ADARB2: variants seen among roughly 807,000 people sequenced by gnomAD.
The protein encoded by ADARB2 is adenosine deaminase RNA specific B2 (inactive).
In ADARB2, 25 loss-of-function variants were observed where a neutral mutation model predicts 62.2. That is an observed-to-expected ratio of 0.40 (90% CI 0.29 to 0.56). The LOEUF (loss-of-function observed/expected upper bound fraction) is 0.56. Ranked by LOEUF, ADARB2 falls within the 20% of genes least tolerant of loss-of-function variation. The pLI, the probability that ADARB2 is intolerant of heterozygous loss-of-function variation, is 0.43. For missense variants in ADARB2, 1,071 were observed against 1,077.4 expected (o/e 0.99, Z 0.08); for synonymous variants, 572 against 500.8 (o/e 1.14, Z -1.90).
intron 1 of ADARB2, among the ~76,000 whole-genome samples, chr10:1,714,731 C>T (rs757733337): frequency 1.3e-5 from 2 of 152,218 alleles, no homozygotes; most frequent in Admixed American, 6.5e-5. Flanking sequence ...AGTGGCTCCA[C>T]GAAGCCTGTG....
intron 1 of ADARB2, among the ~76,000 whole-genome samples, chr10:1,516,717 C>G (rs1832013765): frequency 6.6e-6 from 1 of 152,190 alleles, no homozygotes; most frequent in African/African-American, 2.4e-5. Context: ...GCGGAGGCCC[C>G]GTGCACCCTT....
chr10:1,511,753 G>T lies in ADARB2; in HGVS notation c.101-132593C>A, dbSNP rs376456047. Among the ~76,000 whole-genome samples, 26 of 151,694 alleles carry T rather than the reference G, an allele frequency of 1.7e-4. 1 individual carries two copies. Among genetic ancestry groups the T allele is most frequent in the East Asian group, 9.7e-4 (5 of 5,176 alleles). On this transcript the variant is annotated intron_variant, in intron 1 of 9. Coordinates refer to ENST00000381312, the MANE Select transcript of ADARB2 (RefSeq NM_018702.4). ...TGTCTACACTGGATACCAAGACATG[G>T]ATGCTGTCTACATTGCATACCAAGA...
chr10:1,394,663 A>C (rs4880503), intron 1 of ADARB2, among the ~76,000 whole-genome samples: 38,135 of 152,114 alleles, frequency 0.25, 5,198 homozygotes, highest in Middle Eastern at 0.4. Flanking sequence ...CAGAGGAGCA[A>C]GTCAGGCCCA....
At chr10:1,559,360 C>A (rs946786622) in intron 1 of ADARB2, among the ~76,000 whole-genome samples, 1 of 152,108 alleles carries the variant, frequency 6.6e-6, no homozygotes, top group African/African-American at 2.4e-5. Context: ...TGCTAACGTG[C>A]GTGGTGAGGT....
chr10:1,689,315 C>T (rs1405530313), intron 1 of ADARB2, among the ~76,000 whole-genome samples: 2 of 152,162 alleles, frequency 1.3e-5, no homozygotes, highest in Non-Finnish European at 2.9e-5. Flanking sequence ...GGTGAGTTAC[C>T]TGCACAGGAG....
chr10:1,494,428 T>A (rs1188294343), intron 1 of ADARB2, among the ~76,000 whole-genome samples: 1 of 152,238 alleles, frequency 6.6e-6, no homozygotes, highest in Non-Finnish European at 1.5e-5. Context: ...CCTGTTTGAT[T>A]ACTAAAGCCA....
intron 1 of ADARB2, among the ~76,000 whole-genome samples, chr10:1,479,476 A>AT (rs1831441727): frequency 6.6e-6 from 1 of 152,108 alleles, no homozygotes. Context: ...AGCAGCTTGG[A>AT]GTAGAGTAGG....
At chr10:1,334,225 G>A (rs1048729499) in intron 3 of ADARB2, among the ~76,000 whole-genome samples, 2 of 152,232 alleles carry the variant, frequency 1.3e-5, no homozygotes, top group Admixed American at 1.3e-4. Flanking sequence ...TCTCCAGAAA[G>A]TGGAATAATT....
At chr10:1,647,123 T>C (rs1419914512) in intron 1 of ADARB2, among the ~76,000 whole-genome samples, 4 of 152,274 alleles carry the variant, frequency 2.6e-5, no homozygotes, top group Admixed American at 6.5e-5. Flanking sequence ...TTTAAAAAGA[T>C]GCATTACTGC....
intron 3 of ADARB2, among the ~76,000 whole-genome samples, chr10:1,329,578 GC>G (rs548915109): frequency 1.5e-3 from 224 of 152,268 alleles, no homozygotes; most frequent in African/African-American, 5.2e-3. Flanking sequence ...GGTGGTTTCT[GC>G]CCCATCAGCT....
chr10:1,388,440 T>A (rs1407154985), intron 1 of ADARB2, among the ~76,000 whole-genome samples: 1 of 152,108 alleles, frequency 6.6e-6, no homozygotes, highest in Non-Finnish European at 1.5e-5. Context: ...ACTGACTTTA[T>A]CCTCATGGCA....
At chr10:1,204,008 G>T (rs544445113) in intron 7 of ADARB2, among the ~76,000 whole-genome samples, 23 of 152,186 alleles carry the variant, frequency 1.5e-4, no homozygotes, top group Non-Finnish European at 3.1e-4. Context: ...CCGTCTCCGT[G>T]TTGGTTCTGG....
At chr10:1,262,323 A>ATAAT (rs1831148879) in intron 4 of ADARB2, among the ~76,000 whole-genome samples, 2 of 148,336 alleles carry the variant, frequency 1.3e-5, no homozygotes, top group Non-Finnish European at 3.0e-5. Context: ...TAATAATAAA[A>ATAAT]GAAACCACCA....
chr10:1,574,261 C>T (rs922373439), intron 1 of ADARB2, among the ~76,000 whole-genome samples: 3 of 152,184 alleles, frequency 2.0e-5, no homozygotes, highest in Non-Finnish European at 4.4e-5. Flanking sequence ...GGCATTTTCT[C>T]AGAGGACATG....
intron 1 of ADARB2, among the ~76,000 whole-genome samples, chr10:1,638,365 T>C (rs1833938956): frequency 6.6e-6 from 1 of 152,248 alleles, no homozygotes; most frequent in African/African-American, 2.4e-5. Flanking sequence ...ACTAACTTGA[T>C]GTCACATATA....
chr10:1,685,211 AGTGT>A (rs1002656610), intron 1 of ADARB2, among the ~76,000 whole-genome samples: 5 of 152,022 alleles, frequency 3.3e-5, no homozygotes, highest in Non-Finnish European at 5.9e-5. Flanking sequence ...TGAGTGCGTG[AGTGT>A]GTGTGTGAGT....
chr10:1,341,951 T>C (rs1472385305), intron 3 of ADARB2, among the ~76,000 whole-genome samples: 1 of 152,278 alleles, frequency 6.6e-6, no homozygotes, highest in Non-Finnish European at 1.5e-5. Context: ...AACTTTTTCC[T>C]GAGCCACTTT....
chr10:1,611,699 T>TGGC (rs1259182401), intron 1 of ADARB2, among the ~76,000 whole-genome samples: 5 of 132,016 alleles, frequency 3.8e-5, no homozygotes, highest in African/African-American at 1.4e-4. Context: ...TTTGCCTTGT[T>TGGC]GTAATTTCAG....
intron 1 of ADARB2, among the ~76,000 whole-genome samples, chr10:1,570,802 G>A (rs982821421): frequency 6.6e-6 from 1 of 152,150 alleles, no homozygotes; most frequent in South Asian, 2.1e-4. Context: ...GGGGGCGCTG[G>A]ACCTGAGTGG....
Sources: gnomAD v4.1 joint callset for allele counts (sites outside exome capture counted in the v4.1 genomes callset) on GRCh38, gnomAD v4.1.1 for gene constraint, MANE v1.5 for transcripts, NCBI Gene and HGNC (gene_info 2026-07-23, HGNC 2026-07-21) for gene names.